PGPEP1: variants seen among roughly 807,000 people sequenced by gnomAD.
The protein encoded by PGPEP1 is pyroglutamyl-peptidase 1.
In PGPEP1, 15 loss-of-function variants were observed where a neutral mutation model predicts 24.1. The ratio of observed to expected loss-of-function variants is 0.62; its 90% CI spans 0.42 to 0.96. The LOEUF (loss-of-function observed/expected upper bound fraction) is 0.96, where lower values mean the gene tolerates loss of function less well. Ranked by LOEUF, PGPEP1 falls within the 40% of genes least tolerant of loss-of-function variation. The pLI is 0.00. For missense variants in PGPEP1, 242 were observed against 273.4 expected (o/e 0.89, Z 0.81); for synonymous variants, 122 against 116.4 (o/e 1.05, Z -0.31).
intron 4 of PGPEP1, among the ~76,000 whole-genome samples, chr19:18,359,341 C>G (rs1264913848): frequency 6.6e-6 from 1 of 152,054 alleles, no homozygotes; most frequent in African/African-American, 2.4e-5. Context: ...TGGCCCGCCT[C>G]TCCACCCCGC....
chr19:18,363,714 T>C lies in PGPEP1; in HGVS notation c.*131T>C. ...CCGATCTGGAAGAGAGATTCTGATC[T>C]GCCCACCTCCTCTTCCTCCTTCTCT... On this transcript the variant is annotated 3_prime_UTR_variant, in exon 5 of 5. Transcript: ENST00000269919. 1 of 615,934 alleles carries C rather than the reference T, an allele frequency of 1.6e-6. No individual in the cohort carries two copies. Among genetic ancestry groups the C allele is most frequent in the Non-Finnish European group, 2.8e-6 (1 of 360,768 alleles). 38.2% of individuals were successfully genotyped at this position (615,934 alleles called of 1,614,324 possible). A position where few individuals can be genotyped will look rare whatever the true frequency, so the allele number is the denominator to read the frequency against.
At position 18,340,789 on chromosome 19, in the gene PGPEP1, C is replaced by G. The variant is rs1033317509; in HGVS notation, c.34+74C>G. 4.2e-5 allele frequency: 47 copies of G among 1,129,360 alleles called. No homozygotes were observed. The African/African-American group carries it at 7.1e-4, about 17-fold the overall frequency. The allele number at this position is 1,129,360 out of a possible 1,614,324, so 70.0% of individuals were successfully genotyped here. A position where few individuals can be genotyped will look rare whatever the true frequency, so the allele number is the denominator to read the frequency against. The stretch of plus-strand genomic sequence containing the variant: ...GGGGGCGGCTCCGGGACTGCGGGGC[C>G]GAGAGGGGCAGGTGCTGGAAGTCCT... On this transcript the variant is annotated intron_variant, in intron 1 of 4. Transcript: ENST00000269919.
Position 18,364,167 on chromosome 19 carries a change from T to C in PGPEP1, c.*584T>C, listed in dbSNP as rs1332065098. ...TCTCTCTCTCTCTTTTTTTTTTTTT[T>C]TAAATAGTGCTAGTTTGGGCACAGA... On this transcript the variant is annotated 3_prime_UTR_variant, in exon 5 of 5. Transcript: ENST00000269919. The C allele has an allele frequency of 8.1e-6, 1 of 123,334 alleles. No individual in the cohort carries two copies. The highest frequency in any genetic ancestry group is 2.8e-4 in the East Asian group (1 of 3,528). 7.6% of individuals were successfully genotyped at this position (123,334 alleles called of 1,614,324 possible).
chr19:18,356,005 T>G lies in PGPEP1; in HGVS notation c.198T>G (p.Ser66Arg). Residue 66 changes from serine (S) to arginine (R), a missense_variant, in exon 3 of 5, where the codon AGT (serine) becomes AGG (arginine). Ser to Arg is a moderately radical substitution (Grantham distance 110, BLOSUM62 -1). Transcript: ENST00000269919. ...TCCCCGCCCTGTGGGAGAAGCACAG[T>G]CCACAGGTGAGTGGTGCCAAGGGGC... ...RLIPALWEKH[S>R]PQLVVHVGVS... 2 of 1,595,462 alleles carry G rather than the reference T, an allele frequency of 1.3e-6. No homozygotes were observed. Among genetic ancestry groups the G allele is most frequent in the African/African-American group, 1.3e-5 (1 of 74,602 alleles).
chr19:18,365,690 ACCTT>A lies in PGPEP1; in HGVS notation c.*2112_*2115del, dbSNP rs769845808. On this transcript the variant is annotated 3_prime_UTR_variant, in exon 5 of 5. Coordinates refer to ENST00000269919, the MANE Select transcript of PGPEP1 (RefSeq NM_017712.4). ...GAGAGTTTTGTTTTCTTCAGCGTTC[ACCTT>A]CCTTGTCTCCAGTTCCGATGCTGGC... 6.6e-6 allele frequency: 1 copy of A among 152,068 alleles called. No individual in the cohort carries two copies. The highest frequency in any genetic ancestry group is 1.9e-4 in the East Asian group (1 of 5,186). The allele number at this position is 152,068 out of a possible 1,614,324, so 9.4% of individuals were successfully genotyped here. A position where few individuals can be genotyped will look rare whatever the true frequency, so the allele number is the denominator to read the frequency against.
intron 2 of PGPEP1, among the ~76,000 whole-genome samples, chr19:18,344,780 C>T (rs921883313): frequency 3.9e-5 from 6 of 152,110 alleles, no homozygotes; most frequent in Non-Finnish European, 7.3e-5. Flanking sequence ...GGAGCCTTCA[C>T]GGGGCTGAGT....
intron 2 of PGPEP1, among the ~76,000 whole-genome samples, chr19:18,351,796 G>C (rs1971033414): frequency 6.6e-6 from 1 of 151,800 alleles, no homozygotes; most frequent in African/African-American, 2.4e-5. Flanking sequence ...AAATTCTATG[G>C]GATTTCTCAG....
chr19:18,360,978 C>G (rs763688700), intron 4 of PGPEP1, among the ~76,000 whole-genome samples: 3 of 151,320 alleles, frequency 2.0e-5, no homozygotes, highest in Non-Finnish European at 4.4e-5. Context: ...ATTACAGGCA[C>G]CCACCACCAC....
chr19:18,351,076 A>G (rs928513909), intron 2 of PGPEP1, among the ~76,000 whole-genome samples: 2 of 152,174 alleles, frequency 1.3e-5, no homozygotes, highest in Non-Finnish European at 2.9e-5. Context: ...GATGGAGACC[A>G]TCCTGGCCAA....
chr19:18,361,987 C>T, intron 4 of PGPEP1: 1 of 574,378 alleles, frequency 1.7e-6, no homozygotes, highest in South Asian at 7.6e-5. Context: ...GTTTACTAAG[C>T]CACTCCCTGT....
Position 18,346,633 on chromosome 19 carries a change from CTTTTTT to C in PGPEP1, c.87+3741_87+3746del, listed in dbSNP as rs775309565. Among the ~76,000 whole-genome samples the C allele has an allele frequency of 7.6e-3, 602 of 79,520 alleles. 3 individuals are homozygous for C. Among genetic ancestry groups the C allele is most frequent in the Non-Finnish European group, 0.012 (521 of 45,044 alleles). The allele number at this position is 79,520 out of a possible 152,430, so 52.2% of individuals were successfully genotyped here. On this transcript the variant is annotated intron_variant, in intron 2 of 4. Coordinates refer to ENST00000269919, the MANE Select transcript of PGPEP1 (RefSeq NM_017712.4). ...TCTATCTGTGTGTGTCTGTTTCTCT[CTTTTTT>C]TTTTTTTTTTTTTTTTTTGAGACAG...
At chr19:18,347,856 A>G (rs150683257) in intron 2 of PGPEP1, among the ~76,000 whole-genome samples, 1,636 of 151,052 alleles carry the variant, frequency 0.011, 40 homozygotes, top group African/African-American at 0.038. Context: ...CTGGTCTCGA[A>G]CTCCTGACCT....
In PGPEP1 at chr19:18,350,608, A is replaced by C. The variant is rs192992077; in HGVS notation, c.88-5287A>C. On this transcript the variant is annotated intron_variant, in intron 2 of 4. Transcript: ENST00000269919. ...TTTACAGTAAGGAAAATTAGAAGCC[A>C]CTTAGATGTTCCAATGTAGGGGAAT... Among the ~76,000 whole-genome samples the C allele has an allele frequency of 4.6e-5, 7 of 152,382 alleles. No homozygotes were observed. The East Asian group carries it at 1.3e-3, about 29-fold the overall frequency.
intron 2 of PGPEP1, among the ~76,000 whole-genome samples, chr19:18,355,236 T>C (rs1310539446): frequency 2.6e-5 from 4 of 151,802 alleles, no homozygotes; most frequent in Non-Finnish European, 5.9e-5. Flanking sequence ...CCCAAAGTGC[T>C]GGGATTACAG....
intron 4 of PGPEP1, among the ~76,000 whole-genome samples, chr19:18,362,206 A>G (rs1374507500): frequency 6.6e-6 from 1 of 151,910 alleles, no homozygotes; most frequent in African/African-American, 2.4e-5. Flanking sequence ...CAGGCGTTCC[A>G]GACCTGCCTA....
Position 18,364,096 on chromosome 19 carries a change from C to CTTTCTTTCTTTCTTTTT in PGPEP1, c.*528_*529insTTTTTCTTTCTTTCTTT, listed in dbSNP as rs879272412. On this transcript the variant is annotated 3_prime_UTR_variant, in exon 5 of 5. Coordinates refer to ENST00000269919, the MANE Select transcript of PGPEP1 (RefSeq NM_017712.4). ...GCTGGCTGGCTGGCTTTCTTTCTTT[C>CTTTCTTTCTTTCTTTTT]TTTCTTTCTTTCTTTCTTGCTTTCT... is the stretch of plus-strand genomic sequence containing the variant. The CTTTCTTTCTTTCTTTTT allele has an allele frequency of 7.2e-6, 1 of 138,196 alleles. No individual in the cohort carries two copies. The highest frequency in any genetic ancestry group is 1.5e-5 in the Non-Finnish European group (1 of 64,840). 8.6% of individuals were successfully genotyped at this position (138,196 alleles called of 1,614,324 possible).
Position 18,367,648 on chromosome 19 carries a change from G to A in PGPEP1, c.*4065G>A, listed in dbSNP as rs1971593363. ...TGGAAAGGAAAGAAAGGAAGAAGCA[G>A]GAATTCAAGGTGGGTGGGCTGAGCT... is the stretch of plus-strand genomic sequence containing the variant. On this transcript the variant is annotated 3_prime_UTR_variant, in exon 5 of 5. Transcript: ENST00000269919. 1.3e-5 allele frequency: 2 copies of A among 152,292 alleles called. No individual in the cohort carries two copies. Among genetic ancestry groups the A allele is most frequent in the African/African-American group, 4.8e-5 (2 of 41,402 alleles). The allele number at this position is 152,292 out of a possible 1,614,324, so 9.4% of individuals were successfully genotyped here.
At chr19:18,351,134 T>C (rs1971008651) in intron 2 of PGPEP1, among the ~76,000 whole-genome samples, 1 of 151,660 alleles carries the variant, frequency 6.6e-6, no homozygotes, top group Admixed American at 6.6e-5. Flanking sequence ...AAGCGGGGCA[T>C]GGTGCCTGTA....
rs1471018322 is a variant in PGPEP1, at chr19:18,363,907, T to C, written c.*324T>C. 1.2e-5 allele frequency: 3 copies of C among 243,548 alleles called. No homozygotes were observed. The East Asian group carries it at 2.6e-4, about 21-fold the overall frequency. 15.1% of individuals were successfully genotyped at this position (243,548 alleles called of 1,614,324 possible). ...AATCCATGAGCTGCGATACCACGGC[T>C]GGGGCCATATGTTCACCTGCTTTCC... On this transcript the variant is annotated 3_prime_UTR_variant, in exon 5 of 5. Coordinates refer to ENST00000269919, the MANE Select transcript of PGPEP1 (RefSeq NM_017712.4).
Sources: allele counts gnomAD v4.1 joint callset (sites outside exome capture counted in the v4.1 genomes callset), GRCh38; gene constraint gnomAD v4.1.1; transcripts MANE v1.5; gene names NCBI Gene and HGNC (gene_info 2026-07-23, HGNC 2026-07-21).